Variants in SMOC1 observed in about 807,000 individuals in gnomAD.
SMOC1 encodes SPARC related modular calcium binding 1.
In SMOC1, 22 loss-of-function variants were observed where a neutral mutation model predicts 56.3. The observed-to-expected ratio is 0.39, with a 90% CI of 0.28 to 0.56. SMOC1 has a LOEUF of 0.56. Ranked by LOEUF, SMOC1 falls within the 20% of genes least tolerant of loss-of-function variation. SMOC1 has a pLI of 0.61. For synonymous variants in SMOC1, 193 were observed against 215.0 expected (o/e 0.90, Z 0.89); for missense variants, 509 against 565.4 (o/e 0.90, Z 1.01).
intron 3 of SMOC1, among the ~76,000 whole-genome samples, chr14:69,973,134 C>G (rs1883835706): frequency 6.6e-6 from 1 of 152,310 alleles, no homozygotes; most frequent in East Asian, 1.9e-4. Flanking sequence ...TAGGAAATAT[C>G]CCCTCTAGGG....
chr14:69,932,121 A>G (rs1043631315), intron 1 of SMOC1, among the ~76,000 whole-genome samples: 2 of 152,170 alleles, frequency 1.3e-5, no homozygotes, highest in African/African-American at 4.8e-5. Context: ...TGTATGGTGA[A>G]GGCATGCTCA....
intron 1 of SMOC1, among the ~76,000 whole-genome samples, chr14:69,897,233 G>A (rs1490016807): frequency 1.3e-5 from 2 of 152,154 alleles, no homozygotes; most frequent in Non-Finnish European, 2.9e-5. Context: ...ACACCATCCC[G>A]CCAGGTCTCT....
At chr14:69,904,218 C>G (rs541900027) in intron 1 of SMOC1, among the ~76,000 whole-genome samples, 11 of 152,360 alleles carry the variant, frequency 7.2e-5, no homozygotes, top group Middle Eastern at 3.4e-3. Context: ...CTGTCATTCA[C>G]AACAGAGAGT....
intron 1 of SMOC1, among the ~76,000 whole-genome samples, chr14:69,941,813 C>T (rs1025247239): frequency 2.1e-4 from 32 of 152,152 alleles, no homozygotes; most frequent in African/African-American, 7.7e-4. Context: ...CTTAGCTTGT[C>T]CTTTCAACAT....
intron 6 of SMOC1, among the ~76,000 whole-genome samples, chr14:69,993,849 G>A (rs1055174314): frequency 6.6e-6 from 1 of 152,160 alleles, no homozygotes. Flanking sequence ...TGTCCACTGG[G>A]TGACCAAATC....
chr14:70,012,535 T>A (rs999419106), intron 9 of SMOC1, among the ~76,000 whole-genome samples: 4 of 152,234 alleles, frequency 2.6e-5, no homozygotes, highest in African/African-American at 9.6e-5. Context: ...CCACAGCTTC[T>A]CTGAGAAGCA....
chr14:69,969,259 C>A (rs1343554183), intron 3 of SMOC1, among the ~76,000 whole-genome samples: 3 of 152,108 alleles, frequency 2.0e-5, no homozygotes, highest in Admixed American at 6.6e-5. Flanking sequence ...TCCATTCTTG[C>A]GTTGCTATAA....
chr14:69,915,652 G>A (rs953689053), intron 1 of SMOC1, among the ~76,000 whole-genome samples: 26 of 152,044 alleles, frequency 1.7e-4, no homozygotes, highest in African/African-American at 5.6e-4. Flanking sequence ...TCTCCATTAC[G>A]TCCCTGAAAC....
At chr14:69,895,631 G>A (rs1290761662) in intron 1 of SMOC1, among the ~76,000 whole-genome samples, 1 of 152,116 alleles carries the variant, frequency 6.6e-6, no homozygotes, top group Non-Finnish European at 1.5e-5. Context: ...CAGTGACTTC[G>A]GAAAACCTTC....
chr14:70,011,667 T>TCTTACACATG, intron 9 of SMOC1, 100 bp downstream of exon 9: 1 of 1,144,004 alleles, frequency 8.7e-7, no homozygotes, highest in Non-Finnish European at 1.3e-6. Context: ...TGTTTCCCCA[T>TCTTACACATG]GTGTAAGATG....
intron 5 of SMOC1, among the ~76,000 whole-genome samples, chr14:69,978,372 C>G (rs1026787910): frequency 1.3e-5 from 2 of 152,206 alleles, no homozygotes; most frequent in Non-Finnish European, 2.9e-5. Context: ...TTTTTCCCCC[C>G]TCGCTGATGC....
intron 1 of SMOC1, among the ~76,000 whole-genome samples, chr14:69,905,399 G>C (rs1359988083): frequency 6.6e-6 from 1 of 152,068 alleles, no homozygotes; most frequent in Non-Finnish European, 1.5e-5. Context: ...ATAGAAGGAG[G>C]GTAGCTGCAA....
At chr14:69,966,655 G>T (rs1457536467) in intron 3 of SMOC1, among the ~76,000 whole-genome samples, 5 of 152,092 alleles carry the variant, frequency 3.3e-5, no homozygotes, top group African/African-American at 7.2e-5. Context: ...CTGCTTAATT[G>T]CTCTCAGAGA....
intron 1 of SMOC1, among the ~76,000 whole-genome samples, chr14:69,888,553 C>T (rs960095394): frequency 6.6e-6 from 1 of 152,188 alleles, no homozygotes; most frequent in South Asian, 2.1e-4. Flanking sequence ...TGAGGTCAGG[C>T]ATAATGTGTT....
At chr14:69,915,431 C>T (rs1351719008) in intron 1 of SMOC1, among the ~76,000 whole-genome samples, 3 of 152,208 alleles carry the variant, frequency 2.0e-5, no homozygotes, top group Admixed American at 1.3e-4. Flanking sequence ...ACTGTAGCCA[C>T]TGTCTCCTGT....
intron 1 of SMOC1, among the ~76,000 whole-genome samples, chr14:69,899,234 G>T (rs749144796): frequency 8.5e-5 from 13 of 152,190 alleles, no homozygotes; most frequent in African/African-American, 2.9e-4. Context: ...CTCTTCTGCC[G>T]GAAGGGTTGG....
intron 3 of SMOC1, among the ~76,000 whole-genome samples, chr14:69,964,676 T>C (rs1883502835): frequency 6.6e-6 from 1 of 152,160 alleles, no homozygotes; most frequent in South Asian, 2.1e-4. Flanking sequence ...CTTTTTTAGA[T>C]AATCATCATC....
chr14:69,906,070 G>A (rs1442005273), intron 1 of SMOC1, among the ~76,000 whole-genome samples: 2 of 152,172 alleles, frequency 1.3e-5, no homozygotes, highest in African/African-American at 2.4e-5. Context: ...GGCATAGGAA[G>A]AAAAATCATG....
At position 69,975,620 on chromosome 14, in the gene SMOC1, C is replaced by T. The variant is rs546119631; in HGVS notation, c.379-95C>T. 2.2e-5 allele frequency: 20 copies of T among 921,252 alleles called. No individual in the cohort carries two copies. In the African/African-American group the frequency reaches 3.1e-4, roughly 14 times the overall value. The allele number at this position is 921,252 out of a possible 1,614,324, so 57.1% of individuals were successfully genotyped here. On this transcript the variant is annotated intron_variant, in intron 3 of 11. Transcript: ENST00000361956. Reference sequence around the variant, plus strand: ...GGATGAGAGGTGGAAGATGCTCTTTCACCGTATGGGTGATGCTTTGAAAGG... The same window carrying T: ...GGATGAGAGGTGGAAGATGCTCTTTTACCGTATGGGTGATGCTTTGAAAGG...
Sources: allele counts gnomAD v4.1 joint callset (sites outside exome capture counted in the v4.1 genomes callset), GRCh38; gene constraint gnomAD v4.1.1; transcripts MANE v1.5; gene names NCBI Gene and HGNC (gene_info 2026-07-23, HGNC 2026-07-21).